The following ELMO1 variants were observed in gnomAD, a reference collection of about 807,000 sequenced individuals.
ELMO1 encodes the protein engulfment and cell motility 1, also known as engulfment and cell motility protein 1.
In ELMO1, 26 loss-of-function variants were observed where a neutral mutation model predicts 98.9. The observed-to-expected ratio is 0.26, with a 90% CI of 0.19 to 0.36. The LOEUF (loss-of-function observed/expected upper bound fraction) is 0.36. Among genes scored for constraint, ELMO1 ranks in the 10% least tolerant of loss-of-function variants. The pLI is 1.00. For missense variants in ELMO1, 627 were observed against 935.2 expected (o/e 0.67, Z 4.30); for synonymous variants, 346 against 346.0 (o/e 1.00, Z 0.00).
intron 16 of ELMO1, among the ~76,000 whole-genome samples, chr7:36,918,508 G>A (rs4723600): frequency 0.37 from 56,606 of 151,866 alleles, 10,684 homozygotes; most frequent in South Asian, 0.51. Flanking sequence ...GGGATTCACA[G>A]AAAATTCAGA....
intron 1 of ELMO1, among the ~76,000 whole-genome samples, chr7:37,403,632 C>A (rs1216429727): frequency 6.6e-6 from 1 of 152,118 alleles, no homozygotes; most frequent in Non-Finnish European, 1.5e-5. Context: ...GCAGCCTTGA[C>A]CTCCTGGCCT....
chr7:36,956,006 A>G (rs769976541), intron 16 of ELMO1, among the ~76,000 whole-genome samples: 11 of 152,216 alleles, frequency 7.2e-5, no homozygotes, highest in Non-Finnish European at 1.6e-4. Flanking sequence ...GATGCTTTAG[A>G]AGATCCCTTT....
At chr7:37,207,421 G>A (rs536845874) in intron 13 of ELMO1, among the ~76,000 whole-genome samples, 10 of 151,956 alleles carry the variant, frequency 6.6e-5, no homozygotes, top group African/African-American at 9.6e-5. Flanking sequence ...GTGTGGTGGC[G>A]CACTCCTGTA....
intron 1 of ELMO1, among the ~76,000 whole-genome samples, chr7:37,405,001 G>A (rs561979983): frequency 3.3e-5 from 5 of 152,276 alleles, no homozygotes; most frequent in South Asian, 2.1e-4. Context: ...AAATTTGCCA[G>A]AATAAGGCGT....
At chr7:37,336,496 C>T (rs1051514693) in intron 2 of ELMO1, among the ~76,000 whole-genome samples, 6 of 152,118 alleles carry the variant, frequency 3.9e-5, no homozygotes, top group Admixed American at 6.5e-5. Flanking sequence ...ACGTCATGAG[C>T]GAACATGGAC....
chr7:37,205,987 A>T (rs1314808559), intron 13 of ELMO1, among the ~76,000 whole-genome samples: 1 of 152,154 alleles, frequency 6.6e-6, no homozygotes, highest in East Asian at 1.9e-4. Context: ...AATGACCTGC[A>T]GTTTCCCAAG....
intron 6 of ELMO1, 81 bp downstream of exon 6, chr7:37,259,100 T>C: frequency 4.1e-6 from 6 of 1,451,902 alleles, no homozygotes; most frequent in Non-Finnish European, 5.5e-6. Flanking sequence ...AAACAGAGTT[T>C]GCAAGTGTAA....
chr7:36,919,969 C>T (rs1224315140), intron 16 of ELMO1, among the ~76,000 whole-genome samples: 2 of 152,148 alleles, frequency 1.3e-5, no homozygotes, highest in Non-Finnish European at 2.9e-5. Flanking sequence ...AAAGCCCCAC[C>T]CCTTTTGACA....
Position 37,013,019 on chromosome 7 carries a change from G to T in ELMO1, c.1437+280C>A, listed in dbSNP as rs142068136. Among the ~76,000 whole-genome samples, 725 of 152,270 alleles carry T rather than the reference G, an allele frequency of 4.8e-3. 4 individuals carry two copies. The highest frequency in any genetic ancestry group is 6.7e-3 in the Non-Finnish European group (459 of 68,024). ...TGCTATGAAAGAAAACATTCGCCTT[G>T]ATAACGTGTCCCAAGAAAAACTCTC... On this transcript the variant is annotated intron_variant, in intron 16 of 21. Coordinates refer to ENST00000310758, the MANE Select transcript of ELMO1 (RefSeq NM_014800.11).
At chr7:37,446,284 T>C (rs1805612350) in intron 1 of ELMO1, among the ~76,000 whole-genome samples, 1 of 152,196 alleles carries the variant, frequency 6.6e-6, no homozygotes, top group Non-Finnish European at 1.5e-5. Context: ...GTCACTACCC[T>C]CATGGAACTT....
intron 16 of ELMO1, among the ~76,000 whole-genome samples, chr7:36,959,945 C>G (rs540516838): frequency 1.2e-3 from 183 of 152,188 alleles, no homozygotes; most frequent in African/African-American, 4.0e-3. Flanking sequence ...CCTCCCAAAG[C>G]ATATAATCTC....
intron 21 of ELMO1, among the ~76,000 whole-genome samples, chr7:36,859,861 T>C (rs539174175): frequency 2.0e-5 from 3 of 152,236 alleles, no homozygotes; most frequent in Non-Finnish European, 2.9e-5. Flanking sequence ...ATAAAACTTA[T>C]ACCAAGTGTG....
rs769935960 is a variant in ELMO1 at position 37,225,340 on chromosome 7, CA to C, written c.550-311del. ...CTGAGTTTCATCTTTTAGGGGCAGA[CA>C]ATTTCAACACATATATTGTAAGGAT... On this transcript the variant is annotated intron_variant, in intron 8 of 21. Coordinates refer to ENST00000310758, the MANE Select transcript of ELMO1 (RefSeq NM_014800.11). Among the ~76,000 whole-genome samples the C allele has an allele frequency of 4.7e-3, 721 of 152,284 alleles. 4 individuals carry two copies. Among genetic ancestry groups the C allele is most frequent in the Non-Finnish European group, 7.6e-3 (519 of 68,012 alleles).
chr7:37,228,678 T>C (rs1382874672), intron 8 of ELMO1, among the ~76,000 whole-genome samples: 4 of 152,166 alleles, frequency 2.6e-5, no homozygotes, highest in Non-Finnish European at 5.9e-5. Context: ...GAATGAGATC[T>C]TAAAATTCTC....
At chr7:37,148,679 G>C (rs549890729) in intron 13 of ELMO1, among the ~76,000 whole-genome samples, 2 of 152,260 alleles carry the variant, frequency 1.3e-5, no homozygotes, top group African/African-American at 4.8e-5. Context: ...TATTGTCAAG[G>C]TTTATAAAGA....
intron 16 of ELMO1, among the ~76,000 whole-genome samples, chr7:36,948,055 G>A (rs1016602670): frequency 3.9e-5 from 6 of 152,124 alleles, no homozygotes; most frequent in South Asian, 2.1e-4. Flanking sequence ...CTCCTATGTC[G>A]GTTCCTAGCA....
intron 4 of ELMO1, among the ~76,000 whole-genome samples, chr7:37,274,418 C>G (rs1230850997): frequency 1.3e-5 from 2 of 152,116 alleles, no homozygotes; most frequent in Non-Finnish European, 2.9e-5. Flanking sequence ...AACCCTTGGG[C>G]CAGGCACACC....
intron 1 of ELMO1, among the ~76,000 whole-genome samples, chr7:37,388,326 C>T (rs946185308): frequency 3.3e-5 from 5 of 152,122 alleles, no homozygotes; most frequent in Middle Eastern, 3.4e-3. Context: ...AAGAACAAAA[C>T]AAGACTTACC....
intron 15 of ELMO1, among the ~76,000 whole-genome samples, chr7:37,058,689 G>A (rs779685559): frequency 1.3e-5 from 2 of 152,100 alleles, no homozygotes; most frequent in Non-Finnish European, 2.9e-5. Flanking sequence ...CTCAATGCAG[G>A]AAGCCCTGGG....
Sources: allele counts gnomAD v4.1 joint callset (sites outside exome capture counted in the v4.1 genomes callset), GRCh38; gene constraint gnomAD v4.1.1; transcripts MANE v1.5; gene names NCBI Gene and HGNC (gene_info 2026-07-23, HGNC 2026-07-21).